Variants in DDX60L observed in about 807,000 individuals in gnomAD.
DDX60L encodes probable ATP-dependent RNA helicase DDX60-like.
A neutral mutation model predicts 211.6 loss-of-function variants in DDX60L; 191 were observed. The observed-to-expected ratio is 0.90, with a 90% confidence interval of 0.80 to 1.02. DDX60L has a LOEUF of 1.02. DDX60L is among the 50% of genes least tolerant of loss of function. DDX60L has a pLI of 0.00. For synonymous variants in DDX60L, 706 were observed against 694.1 expected (o/e 1.02, Z -0.27); for missense variants, 2,007 against 1,984.1 (o/e 1.01, Z -0.22).
intron 22 of DDX60L, among the ~76,000 whole-genome samples, chr4:168,407,261 A>T (rs1056153185): frequency 1.1e-4 from 16 of 152,118 alleles, no homozygotes; most frequent in African/African-American, 3.6e-4. Context: ...ACTCAAAGAA[A>T]TTTCTACCTG....
intron 22 of DDX60L, 103 bp from the exon 23 acceptor site, chr4:168,406,809 G>T: frequency 1.2e-6 from 1 of 810,588 alleles, no homozygotes; most frequent in South Asian, 1.7e-5. Flanking sequence ...CTTTACCTGT[G>T]AATCCAGGGA....
intron 33 of DDX60L, among the ~76,000 whole-genome samples, chr4:168,375,799 G>A (rs1239579664): frequency 6.6e-6 from 1 of 152,146 alleles, no homozygotes; most frequent in Non-Finnish European, 1.5e-5. Flanking sequence ...CTTAAACTTA[G>A]GTATATTTCA....
intron 9 of DDX60L, among the ~76,000 whole-genome samples, chr4:168,445,299 G>A (rs1488227579): frequency 8.7e-6 from 1 of 114,580 alleles, no homozygotes; most frequent in African/African-American, 2.7e-5. Context: ...TAAATTCCTG[G>A]ACACATACAC....
chr4:168,398,513 A>G (rs1579376769), intron 26 of DDX60L, among the ~76,000 whole-genome samples: 1 of 152,166 alleles, frequency 6.6e-6, no homozygotes, highest in Admixed American at 6.5e-5. Flanking sequence ...ACAGGCTCGG[A>G]GCAGAAAGGA....
In DDX60L at chr4:168,391,600, T is replaced by C. The variant is rs375602440; in HGVS notation, c.3855A>G (p.Pro1285=). ...TETLALGIHM[P]CKSVVFAQDS... ...CTTGGGCAAAAACAACAGATTTGCATGGCATGTGGATCCCTAAGGCAAGTG... is the reference window on the plus strand; with the variant it reads ...CTTGGGCAAAAACAACAGATTTGCACGGCATGTGGATCCCTAAGGCAAGTG... The change falls in exon 29 of 38, where the codon CCA becomes CCG. Residue 1285 remains proline, a synonymous_variant. Coordinates refer to ENST00000682922, the MANE Select transcript of DDX60L (RefSeq NM_001012967.3). The C allele has an allele frequency of 6.2e-7, 1 of 1,604,542 alleles. No homozygotes were observed. The highest frequency in any genetic ancestry group is 8.5e-7 in the Non-Finnish European group (1 of 1,175,362).
At chr4:168,449,652 C>G (rs908140585) in intron 8 of DDX60L, among the ~76,000 whole-genome samples, 10 of 7,930 alleles carry the variant, frequency 1.3e-3, no homozygotes, top group East Asian at 5.1e-3. Flanking sequence ...AAAAAAAATG[C>G]AAAAAAAAAA....
intron 36 of DDX60L, among the ~76,000 whole-genome samples, chr4:168,368,664 T>C (rs1232691722): frequency 6.6e-6 from 1 of 152,158 alleles, no homozygotes; most frequent in Non-Finnish European, 1.5e-5. Context: ...AGACACTCAA[T>C]GCCAGCCTGT....
At chr4:168,434,969 C>T (rs770600992) in intron 10 of DDX60L, among the ~76,000 whole-genome samples, 5 of 152,290 alleles carry the variant, frequency 3.3e-5, no homozygotes, top group Middle Eastern at 3.4e-3. Flanking sequence ...TCAAAGGGAC[C>T]TACTGCTATT....
At chr4:168,404,981 A>C (rs1469950154) in intron 24 of DDX60L, among the ~76,000 whole-genome samples, 1 of 151,900 alleles carries the variant, frequency 6.6e-6, no homozygotes, top group Non-Finnish European at 1.5e-5. Flanking sequence ...AACAGGCTAA[A>C]TTATTTGTAA....
At chr4:168,423,242 C>T (rs1433826145) in intron 15 of DDX60L, among the ~76,000 whole-genome samples, 1 of 152,052 alleles carries the variant, frequency 6.6e-6, no homozygotes, top group African/African-American at 2.4e-5. Flanking sequence ...GGAATTGGAA[C>T]CTGGAACCTT....
intron 8 of DDX60L, among the ~76,000 whole-genome samples, chr4:168,449,617 A>AG (rs1470365061): frequency 2.7e-5 from 1 of 36,970 alleles, no homozygotes; most frequent in African/African-American, 9.0e-5. Flanking sequence ...GAGTATAATA[A>AG]AAAAAAAAAA....
At chr4:168,389,857 T>C (rs1744488880) in intron 29 of DDX60L, among the ~76,000 whole-genome samples, 1 of 152,220 alleles carries the variant, frequency 6.6e-6, no homozygotes. Context: ...GAAATACTTT[T>C]GGTACGAAAG....
chr4:168,462,343 G>A (rs1757423458), intron 4 of DDX60L, among the ~76,000 whole-genome samples: 1 of 152,198 alleles, frequency 6.6e-6, no homozygotes, highest in African/African-American at 2.4e-5. Context: ...TCTGAATTGA[G>A]AAGCTGATGT....
At chr4:168,433,200 G>T in intron 10 of DDX60L, 85 bp from the exon 11 acceptor site, 3 of 908,666 alleles carry the variant, frequency 3.3e-6, no homozygotes, top group Non-Finnish European at 5.0e-6. Flanking sequence ...AATTTCAAAT[G>T]CATAATATTT....
chr4:168,374,807 AC>A (rs556575872), intron 34 of DDX60L, among the ~76,000 whole-genome samples: 1 of 152,246 alleles, frequency 6.6e-6, no homozygotes, highest in Non-Finnish European at 1.5e-5. Context: ...AAACTTATAA[AC>A]ATTAATATAC....
chr4:168,385,405 C>A (rs1310120479), intron 29 of DDX60L, among the ~76,000 whole-genome samples: 1 of 152,174 alleles, frequency 6.6e-6, no homozygotes, highest in Non-Finnish European at 1.5e-5. Context: ...GCCCTCACAG[C>A]TCTTCTGTAT....
intron 1 of DDX60L, among the ~76,000 whole-genome samples, chr4:168,475,807 T>C (rs1310581776): frequency 6.6e-6 from 1 of 152,138 alleles, no homozygotes; most frequent in Non-Finnish European, 1.5e-5. Context: ...TAGAGGAGGC[T>C]ATAAGGATAG....
intron 29 of DDX60L, among the ~76,000 whole-genome samples, chr4:168,391,293 C>T (rs897922785): frequency 3.9e-5 from 6 of 152,146 alleles, no homozygotes; most frequent in Non-Finnish European, 8.8e-5. Flanking sequence ...ATAAAAACTA[C>T]ACTAAAAACT....
intron 22 of DDX60L, among the ~76,000 whole-genome samples, chr4:168,408,916 T>C (rs1748207059): frequency 6.6e-6 from 1 of 152,194 alleles, no homozygotes; most frequent in South Asian, 2.1e-4. Context: ...CCATGAGTGT[T>C]ACAGAGAATA....
Sources: allele counts gnomAD v4.1 joint callset (sites outside exome capture counted in the v4.1 genomes callset), GRCh38; gene constraint gnomAD v4.1.1; transcripts MANE v1.5; gene names NCBI Gene and HGNC (gene_info 2026-07-23, HGNC 2026-07-21).